XIST: variants seen among roughly 807,000 people sequenced by gnomAD.
The protein encoded by XIST is X inactive specific transcript.
intron 1 of XIST, among the ~76,000 whole-genome samples, chrX:73,837,887 C>T (rs1258715875): frequency 9.0e-6 from 1 of 110,793 alleles, no homozygotes; most frequent in Non-Finnish European, 1.9e-5. Flanking sequence ...TCTTTCTTTT[C>T]TGTTTATATG....
chrX:73,823,258 G>A, exon 6 of XIST: 1 of 505,757 alleles, frequency 2.0e-6, no homozygotes. Context: ...GGGGATTCCT[G>A]AAACTAGGAA....
At chrX:73,833,518 G>A (rs1329442295) in intron 2 of XIST, 5 of 382,752 alleles carry the variant, frequency 1.3e-5, no homozygotes, top group Admixed American at 4.4e-5. Context: ...TTTCTAGCCT[G>A]CTTGGTCTCC....
At chrX:73,851,622 A>T (rs1922944747) in exon 1 of XIST, 1 of 557,130 alleles carries the variant, frequency 1.8e-6, no homozygotes, top group African/African-American at 2.2e-5. Context: ...TGTACTGATA[A>T]AAGATGATTC....
exon 1 of XIST, chrX:73,848,774 T>G: frequency 1.8e-6 from 1 of 558,576 alleles, no homozygotes; most frequent in Non-Finnish European, 3.2e-6. Flanking sequence ...GAAACTTGGG[T>G]AGTCAGAACT....
chrX:73,826,244 CT>C (rs768711387), exon 6 of XIST: 22 of 557,194 alleles, frequency 3.9e-5, no homozygotes, highest in African/African-American at 2.2e-4. Flanking sequence ...GAGCCTGGCA[CT>C]TTTTTTTCCC....
At chrX:73,851,934 A>C (rs773637148) in exon 1 of XIST, 1 of 558,778 alleles carries the variant, frequency 1.8e-6, no homozygotes, top group East Asian at 3.2e-5. Flanking sequence ...AGCAAAAAAA[A>C]GTGTAGATAT....
At chrX:73,842,739 G>C (rs980913703) in exon 1 of XIST, 26 of 556,331 alleles carry the variant, frequency 4.7e-5, no homozygotes, top group Non-Finnish European at 8.4e-5. Context: ...GTGCAACTGA[G>C]AATTGTTTAA....
At chrX:73,823,576 C>T (rs12502) in exon 6 of XIST, 2 of 558,426 alleles carry the variant, frequency 3.6e-6, no homozygotes, top group Non-Finnish European at 6.5e-6. Flanking sequence ...TTTATTTTTA[C>T]TCCTTTACTT....
chrX:73,829,913 A>T (rs181832841), intron 4 of XIST, among the ~76,000 whole-genome samples: 2 of 110,678 alleles, frequency 1.8e-5, no homozygotes, highest in African/African-American at 6.6e-5. Context: ...GGAAAAACAT[A>T]AGGTCTTCCC....
exon 1 of XIST, chrX:73,848,097 G>T: frequency 1.8e-6 from 1 of 558,872 alleles, no homozygotes; most frequent in Non-Finnish European, 3.2e-6. Flanking sequence ...CAGTACAAAA[G>T]AAATGTCCTT....
At chrX:73,845,532 G>A (rs761942045) in exon 1 of XIST, 1 of 554,844 alleles carries the variant, frequency 1.8e-6, no homozygotes, top group Admixed American at 2.2e-5. Context: ...TGGCAGGGGA[G>A]GCTTTCATGT....
At chrX:73,842,253 A>T (rs774264221) in exon 1 of XIST, 6 of 534,702 alleles carry the variant, frequency 1.1e-5, no homozygotes, top group Non-Finnish European at 2.0e-5. Context: ...TACAAAGGGG[A>T]CAACAAGAGA....
rs754464907 is a variant in XIST at position 73,842,605 on chromosome X, A to T, written n.10119T>A. 3 of 558,793 alleles carry T rather than the reference A, an allele frequency of 5.4e-6. No homozygotes were observed. In the Admixed American group the frequency reaches 6.6e-5, roughly 12 times the overall value. 46.1% of individuals were successfully genotyped at this position (558,793 alleles called of 1,213,427 possible). On this transcript the variant is annotated non_coding_transcript_exon_variant, in exon 1 of 6. Transcript: ENST00000429829. ...AGGGAGATCTTGGACTGATGGGCTG[A>T]AAAATGGGACAATCAGTACTGTGTT...
chrX:73,846,588 T>C (rs750635413), exon 1 of XIST: 41 of 557,145 alleles, frequency 7.4e-5, no homozygotes, highest in Non-Finnish European at 1.3e-4. Context: ...AGATGCATGC[T>C]TGTGGTCACT....
chrX:73,837,345 A>G, intron 2 of XIST: 1 of 401,967 alleles, frequency 2.5e-6, no homozygotes, highest in Non-Finnish European at 4.3e-6. Context: ...CATCAGACAA[A>G]TTCCAATAGA....
chrX:73,841,535 T>C (rs1179580862), exon 1 of XIST: 6 of 556,807 alleles, frequency 1.1e-5, no homozygotes, highest in African/African-American at 2.2e-5. Flanking sequence ...TGATGACTAG[T>C]TATTTGCTTG....
exon 6 of XIST, chrX:73,823,234 G>A (rs1922165664): frequency 1.9e-6 from 1 of 527,702 alleles, no homozygotes; most frequent in African/African-American, 2.3e-5. Flanking sequence ...CTAAGCCAAT[G>A]AGGAAGTGAT....
exon 1 of XIST, chrX:73,842,171 A>C (rs747261312): frequency 9.8e-6 from 5 of 508,601 alleles, no homozygotes; most frequent in Non-Finnish European, 1.7e-5. Flanking sequence ...TCTTTCTTAA[A>C]AAAATTTTTT....
chrX:73,841,297 CCT>C (rs1323575146), intron 1 of XIST: 1 of 400,651 alleles, frequency 2.5e-6, no homozygotes, highest in African/African-American at 2.5e-5. Context: ...CTTACTGGAC[CCT>C]CTGACTTTTC....
Sources: gnomAD v4.1 joint callset for allele counts (sites outside exome capture counted in the v4.1 genomes callset) on GRCh38, gnomAD v4.1.1 for gene constraint, MANE v1.5 for transcripts, NCBI Gene and HGNC (gene_info 2026-07-23, HGNC 2026-07-21) for gene names.